Variants in FAM178B observed in about 807,000 individuals in gnomAD.
FAM178B encodes the protein protein FAM178B.
Under a neutral mutation model 91.7 loss-of-function variants are expected in FAM178B, and 82 were observed. The observed-to-expected ratio is 0.89, with a 90% CI of 0.75 to 1.07. FAM178B has a LOEUF of 1.07. Ranked by LOEUF, FAM178B falls within the 50% of genes least tolerant of loss-of-function variation. FAM178B has a pLI of 0.00. For synonymous variants in FAM178B, 368 were observed against 359.4 expected (o/e 1.02, Z -0.27); for missense variants, 769 against 846.7 (o/e 0.91, Z 1.14).
intron 4 of FAM178B, 25 bp downstream of exon 4, chr2:96,970,691 A>G: frequency 1.3e-6 from 2 of 1,543,842 alleles, no homozygotes; most frequent in Non-Finnish European, 1.8e-6. Flanking sequence ...TAAGCACCCC[A>G]TGACAGGCCA....
chr2:96,965,781 TAA>T (rs2082135431), intron 5 of FAM178B, among the ~76,000 whole-genome samples: 1 of 152,118 alleles, frequency 6.6e-6, no homozygotes, highest in Admixed American at 6.6e-5. Context: ...CCAATTTATT[TAA>T]AGATAACTCC....
intron 16 of FAM178B, among the ~76,000 whole-genome samples, chr2:96,877,270 T>C (rs1387215020): frequency 1.3e-5 from 2 of 152,140 alleles, no homozygotes; most frequent in Non-Finnish European, 2.9e-5. Flanking sequence ...TGGGGCCCCT[T>C]CCTGGCACTG....
intron 13 of FAM178B, among the ~76,000 whole-genome samples, chr2:96,898,945 C>T (rs374875732): frequency 4.9e-4 from 74 of 152,318 alleles, no homozygotes; most frequent in African/African-American, 1.4e-3. Flanking sequence ...TGGCAAGCCC[C>T]GTGGAGGAGA....
intron 14 of FAM178B, among the ~76,000 whole-genome samples, chr2:96,886,721 C>T (rs987826627): frequency 2.0e-5 from 3 of 152,194 alleles, no homozygotes; most frequent in African/African-American, 7.2e-5. Context: ...AGGCCATGGT[C>T]GGCCTGGGAG....
intron 7 of FAM178B, among the ~76,000 whole-genome samples, chr2:96,950,566 G>A (rs566432073): frequency 6.6e-6 from 1 of 152,268 alleles, no homozygotes; most frequent in South Asian, 2.1e-4. Flanking sequence ...AATGGGACCA[G>A]CTGGAACTTG....
At chr2:96,964,066 G>T (rs2082114396) in intron 5 of FAM178B, among the ~76,000 whole-genome samples, 1 of 152,074 alleles carries the variant, frequency 6.6e-6, no homozygotes, top group South Asian at 2.1e-4. Flanking sequence ...TGTAGTCCCA[G>T]CTTCTCGGGA....
At chr2:96,880,380 G>A (rs1319843126) in intron 14 of FAM178B, among the ~76,000 whole-genome samples, 2 of 151,990 alleles carry the variant, frequency 1.3e-5, no homozygotes, top group Non-Finnish European at 2.9e-5. Context: ...ACAACCTGGG[G>A]GGCAGAGTTG....
intron 12 of FAM178B, among the ~76,000 whole-genome samples, chr2:96,905,373 C>T (rs1461566837): frequency 1.3e-5 from 2 of 151,858 alleles, no homozygotes; most frequent in Non-Finnish European, 2.9e-5. Context: ...GCTGGGCCAA[C>T]ATGCTGAAAC....
intron 14 of FAM178B, among the ~76,000 whole-genome samples, chr2:96,888,027 C>T (rs1294347887): frequency 1.3e-5 from 2 of 152,384 alleles, no homozygotes; most frequent in East Asian, 3.9e-4. Context: ...TGCAAAGAAA[C>T]CAGAATTTCT....
chr2:96,950,405 G>C (rs1378961635), intron 7 of FAM178B, among the ~76,000 whole-genome samples: 1 of 152,194 alleles, frequency 6.6e-6, no homozygotes, highest in African/African-American at 2.4e-5. Context: ...GGGGTAAGGA[G>C]GAGCAAGGTG....
At chr2:96,953,680 G>A (rs2081960194) in intron 6 of FAM178B, among the ~76,000 whole-genome samples, 1 of 152,204 alleles carries the variant, frequency 6.6e-6, no homozygotes, top group Non-Finnish European at 1.5e-5. Flanking sequence ...CTGCCCTGAG[G>A]TGACTGGCTT....
intron 10 of FAM178B, among the ~76,000 whole-genome samples, chr2:96,922,707 A>G (rs1323960693): frequency 1.3e-5 from 2 of 151,110 alleles, no homozygotes; most frequent in African/African-American, 2.4e-5. Flanking sequence ...TTTGCTTCCA[A>G]TTCTTTTTAT....
chr2:96,922,261 TCTTA>T (rs1244806879), intron 10 of FAM178B, among the ~76,000 whole-genome samples: 3 of 152,196 alleles, frequency 2.0e-5, no homozygotes, highest in Non-Finnish European at 4.4e-5. Flanking sequence ...ATAATCCACC[TCTTA>T]CTTAGCACAT....
At chr2:96,939,011 T>C (rs1394999424) in intron 8 of FAM178B, 1 of 152,130 alleles carries the variant, frequency 6.6e-6, no homozygotes, top group Non-Finnish European at 1.5e-5. Flanking sequence ...GAGACCAGCC[T>C]GGCCAATATG....
chr2:96,884,410 C>T (rs527522245), intron 14 of FAM178B, among the ~76,000 whole-genome samples: 95 of 152,294 alleles, frequency 6.2e-4, no homozygotes, highest in Admixed American at 1.2e-3. Context: ...AAGGATAGGG[C>T]GAGGCTGAGG....
chr2:96,950,963 T>G (rs1358663307), intron 7 of FAM178B, among the ~76,000 whole-genome samples: 1 of 152,130 alleles, frequency 6.6e-6, no homozygotes, highest in African/African-American at 2.4e-5. Flanking sequence ...GAGGGACCTG[T>G]GATCGCTGGT....
At chr2:96,925,157 C>T (rs1221961296) in intron 9 of FAM178B, among the ~76,000 whole-genome samples, 3 of 152,132 alleles carry the variant, frequency 2.0e-5, no homozygotes, top group Non-Finnish European at 4.4e-5. Context: ...ACACGCGCAG[C>T]CATAGGTGGG....
At chr2:96,901,258 C>T (rs1341321200) in intron 13 of FAM178B, among the ~76,000 whole-genome samples, 3 of 151,532 alleles carry the variant, frequency 2.0e-5, no homozygotes, top group South Asian at 2.1e-4. Flanking sequence ...CTGCAACCTC[C>T]GCCTCCCAGG....
At chr2:96,902,955 G>A (rs2080962117) in intron 12 of FAM178B, among the ~76,000 whole-genome samples, 2 of 152,234 alleles carry the variant, frequency 1.3e-5, no homozygotes, top group African/African-American at 4.8e-5. Context: ...GGCCCACAGA[G>A]CTGGGCTTTT....
Sources: gnomAD v4.1 joint callset for allele counts (sites outside exome capture counted in the v4.1 genomes callset) on GRCh38, gnomAD v4.1.1 for gene constraint, MANE v1.5 for transcripts, NCBI Gene and HGNC (gene_info 2026-07-23, HGNC 2026-07-21) for gene names.